The following MAB21L4 variants were observed in gnomAD, a reference collection of about 807,000 sequenced individuals.
The protein encoded by MAB21L4 is mab-21 like 4.
A neutral mutation model predicts 32.4 loss-of-function variants in MAB21L4; 25 were observed. The ratio of observed to expected loss-of-function variants is 0.77; its 90% CI spans 0.56 to 1.08. The LOEUF (loss-of-function observed/expected upper bound fraction) is 1.08, where lower values mean the gene tolerates loss of function less well. Among genes scored for constraint, MAB21L4 ranks in the 50% least tolerant of loss-of-function variants. The pLI is 0.00. For missense variants in MAB21L4, 638 were observed against 611.0 expected (o/e 1.04, Z -0.47); for synonymous variants, 280 against 276.8 (o/e 1.01, Z -0.11).
intron 3 of MAB21L4, among the ~76,000 whole-genome samples, chr2:240,889,498 C>G (rs2059125849): frequency 5.9e-5 from 9 of 152,232 alleles, no homozygotes. Context: ...GAATCCCTGG[C>G]CCCTGCCTGT....
chr2:240,894,030 G>A (rs937276819), intron 1 of MAB21L4, among the ~76,000 whole-genome samples: 7 of 152,028 alleles, frequency 4.6e-5, no homozygotes, highest in Non-Finnish European at 7.4e-5. Context: ...GCACTAGACA[G>A]GTCTGGGGAG....
At chr2:240,893,053 C>A (rs141428295) in intron 1 of MAB21L4, among the ~76,000 whole-genome samples, 1 of 151,998 alleles carries the variant, frequency 6.6e-6, no homozygotes, top group Non-Finnish European at 1.5e-5. Flanking sequence ...GCCCAGGGAC[C>A]GGAGGAGAGG....
Position 240,888,305 on chromosome 2 carries a change from A to G in MAB21L4, c.1238T>C (p.Val413Ala). The G allele has an allele frequency of 6.4e-7, 1 of 1,566,958 alleles. No individual in the cohort carries two copies. The highest frequency in any genetic ancestry group is 8.6e-7 in the Non-Finnish European group (1 of 1,161,104). The change falls in exon 4 of 5, where the codon GTC (valine) becomes GCC (alanine). Residue 413 changes from valine (V) to alanine (A), a missense_variant. Val to Ala is a moderately conservative substitution (Grantham distance 64, BLOSUM62 0). Transcript: ENST00000388934. ...PTYWATAYFD[V>A]LLDKFQVFNI... ...GCCAGCACCCACCTTGTCCAGCAGGACGTCGAAGTAGGCAGTGGCCCAGTA... is the reference window on the plus strand; with the variant it reads ...GCCAGCACCCACCTTGTCCAGCAGGGCGTCGAAGTAGGCAGTGGCCCAGTA...
intron 4 of MAB21L4, among the ~76,000 whole-genome samples, chr2:240,888,014 C>A (rs956066974): frequency 1.3e-5 from 2 of 152,138 alleles, no homozygotes. Context: ...AGCTGGGGGG[C>A]AATTCTGGTG....
intron 4 of MAB21L4, 102 bp downstream of exon 4, chr2:240,888,190 G>T: frequency 1.0e-6 from 1 of 962,088 alleles, no homozygotes; most frequent in Non-Finnish European, 1.5e-6. Context: ...GCATTCCTGG[G>T]GCTGCTGACC....
In MAB21L4 at chr2:240,886,768, T is replaced by C; in HGVS notation, c.*302A>G. 2.5e-6 allele frequency: 1 copy of C among 402,644 alleles called. No individual in the cohort carries two copies. Among genetic ancestry groups the C allele is most frequent in the Non-Finnish European group, 4.5e-6 (1 of 223,660 alleles). 24.9% of individuals were successfully genotyped at this position (402,644 alleles called of 1,614,324 possible). A position where few individuals can be genotyped will look rare whatever the true frequency, so the allele number is the denominator to read the frequency against. On this transcript the variant is annotated 3_prime_UTR_variant, in exon 5 of 5. Coordinates refer to ENST00000388934, the MANE Select transcript of MAB21L4 (RefSeq NM_001085437.3). ...GTGCAGGCAGGGCCAAGTCCTCAGC[T>C]CCAGGTCTCCTGCCGATGCTGTTTG...
At chr2:240,892,522 G>T (rs1376859142) in intron 1 of MAB21L4, among the ~76,000 whole-genome samples, 2 of 152,212 alleles carry the variant, frequency 1.3e-5, no homozygotes, top group East Asian at 3.9e-4. Context: ...CCCATGGAGA[G>T]AAGAGGCGGC....
At chr2:240,892,059 G>C (rs544865501) in intron 1 of MAB21L4, 3 of 1,447,646 alleles carry the variant, frequency 2.1e-6, no homozygotes, top group East Asian at 5.0e-5. Context: ...TCCTACATGA[G>C]GTTTTCCTTT....
At chr2:240,892,106 G>A (rs976937449) in intron 1 of MAB21L4, 113 of 1,350,158 alleles carry the variant, frequency 8.4e-5, no homozygotes, top group South Asian at 1.3e-4. Context: ...CCAGGACCAC[G>A]CCTGCTGTGC....
chr2:240,895,713 C>G lies in MAB21L4; in HGVS notation c.285G>C (p.Glu95Asp). 1 of 1,612,944 alleles carries G rather than the reference C, an allele frequency of 6.2e-7. No homozygotes were observed. The highest frequency in any genetic ancestry group is 8.5e-7 in the Non-Finnish European group (1 of 1,180,006). Residue 95 changes from glutamate (E) to aspartate (D), a missense_variant, in exon 1 of 5, where the codon GAG (glutamate) becomes GAC (aspartate). Transcript: ENST00000388934. ...CCTCCGGCTGGGTGGCCTCTGGTTCCTCAATCAGTAGAGCCTCGGCATCCA... is the reference window on the plus strand; with the variant it reads ...CCTCCGGCTGGGTGGCCTCTGGTTCGTCAATCAGTAGAGCCTCGGCATCCA... ...LWVDAEALLIEEPEATQPEDG... is the reference protein window; with the variant it reads ...LWVDAEALLIDEPEATQPEDG...
chr2:240,891,538 C>A lies in MAB21L4; in HGVS notation c.740G>T (p.Arg247Met). The A allele has an allele frequency of 6.2e-7, 1 of 1,607,440 alleles. No homozygotes were observed. Among genetic ancestry groups the A allele is most frequent in the Non-Finnish European group, 8.5e-7 (1 of 1,177,698 alleles). The change falls in exon 2 of 5, where the codon AGG becomes ATG. Residue 247 changes from arginine to methionine, a missense_variant and splice_region_variant. Transcript: ENST00000388934. ...DLVPASAQLW[R>M]TSTDYLLTRL... ...CTTGTGACCAGGAGGGTGCGCCTAC[C>A]TCCAGAGCTGGGCGCTGGCCGGCAC...
At chr2:240,888,222 C>A in intron 4 of MAB21L4, 70 bp downstream of exon 4, 2 of 1,270,504 alleles carry the variant, frequency 1.6e-6, no homozygotes, top group Non-Finnish European at 2.1e-6. Flanking sequence ...GGGCAGGGAG[C>A]CAGGCCAGGG....
chr2:240,894,751 TCGTGCCATTG>T (rs1288785689), intron 1 of MAB21L4, among the ~76,000 whole-genome samples: 1 of 152,066 alleles, frequency 6.6e-6, no homozygotes, highest in African/African-American at 2.4e-5. Flanking sequence ...TGAGCCAAGA[TCGTGCCATTG>T]CACTCCAGCC....
At position 240,895,730 on chromosome 2, in the gene MAB21L4, C is replaced by T. The variant is rs200698547; in HGVS notation, c.268G>A (p.Glu90Lys). Reference sequence around the variant, plus strand: ...TCTGGTTCCTCAATCAGTAGAGCCTCGGCATCCACCCACAGGGGCACCTCC... The same window carrying T: ...TCTGGTTCCTCAATCAGTAGAGCCTTGGCATCCACCCACAGGGGCACCTCC... ...DMEVPLWVDA[E>K]ALLIEEPEAT... is the part of the protein sequence containing the mutation. The change falls in exon 1 of 5, where the codon GAG becomes AAG. Residue 90 changes from glutamate to lysine, a missense_variant. Physicochemically the swap from Glu to Lys is moderately conservative, Grantham distance 56. Coordinates refer to ENST00000388934, the MANE Select transcript of MAB21L4 (RefSeq NM_001085437.3). 1.2e-5 allele frequency: 19 copies of T among 1,612,924 alleles called. No homozygotes were observed. The highest frequency in any genetic ancestry group is 9.9e-5 in the South Asian group (9 of 91,082).
At chr2:240,888,850 C>T (rs895598534) in intron 3 of MAB21L4, among the ~76,000 whole-genome samples, 1 of 151,726 alleles carries the variant, frequency 6.6e-6, no homozygotes, top group Non-Finnish European at 1.5e-5. Flanking sequence ...CTCCCGAAGG[C>T]ATGAACCCCT....
At chr2:240,894,028 C>T (rs925859245) in intron 1 of MAB21L4, among the ~76,000 whole-genome samples, 1 of 152,030 alleles carries the variant, frequency 6.6e-6, no homozygotes, top group African/African-American at 2.4e-5. Context: ...GGGCACTAGA[C>T]AGGTCTGGGG....
Position 240,896,064 on chromosome 2 carries a change from T to G in MAB21L4, c.-67A>C, listed in dbSNP as rs556656170. 2.8e-5 allele frequency: 39 copies of G among 1,400,626 alleles called. No individual in the cohort carries two copies. The East Asian group carries it at 1.0e-3, about 37-fold the overall frequency. The allele number at this position is 1,400,626 out of a possible 1,614,324, so 86.8% of individuals were successfully genotyped here. On this transcript the variant is annotated 5_prime_UTR_variant, in exon 1 of 5. Coordinates refer to ENST00000388934, the MANE Select transcript of MAB21L4 (RefSeq NM_001085437.3). ...GGACTCCGCAGGCCAGCTGTGCAGA[T>G]GGGCTGTGAGGAGGCACCTGCCCAG...
chr2:240,890,337 A>G (rs769021140), intron 2 of MAB21L4, among the ~76,000 whole-genome samples, 179 bp from the exon 3 acceptor site: 1 of 152,204 alleles, frequency 6.6e-6, no homozygotes, highest in Non-Finnish European at 1.5e-5. Context: ...TGCAGTGTGC[A>G]CGCCTGCTTT....
chr2:240,888,233 C>A (rs998174194), intron 4 of MAB21L4, 59 bp downstream of exon 4: 6 of 1,356,006 alleles, frequency 4.4e-6, no homozygotes, highest in Non-Finnish European at 5.0e-6. Context: ...CAGGCCAGGG[C>A]TCCATTCCAC....
Sources: gnomAD v4.1 joint callset for allele counts (sites outside exome capture counted in the v4.1 genomes callset) on GRCh38, gnomAD v4.1.1 for gene constraint, MANE v1.5 for transcripts, NCBI Gene and HGNC (gene_info 2026-07-23, HGNC 2026-07-21) for gene names.